ZNF365: variants seen among roughly 807,000 people sequenced by gnomAD.
The protein encoded by ZNF365 is protein ZNF365.
ZNF365 carries 22 observed loss-of-function variants against 35.0 expected under a neutral mutation model. The ratio of observed to expected loss-of-function variants is 0.63; its 90% CI spans 0.45 to 0.90. ZNF365 has a LOEUF of 0.90. Among genes scored for constraint, ZNF365 ranks in the 40% least tolerant of loss-of-function variants. The probability of loss-of-function intolerance (pLI) is 0.00; values close to 1 mark genes in which losing one functional copy is unlikely to be tolerated. For missense variants in ZNF365, 448 were observed against 500.3 expected (o/e 0.90, Z 1.00); for synonymous variants, 188 against 196.2 (o/e 0.96, Z 0.35).
chr10:62,449,477 C>T (rs1840643936), intron 3 of ZNF365, among the ~76,000 whole-genome samples: 1 of 152,060 alleles, frequency 6.6e-6, no homozygotes, highest in South Asian at 2.1e-4. Flanking sequence ...TTTTACAATA[C>T]AAATCTTACA....
intron 3 of ZNF365, among the ~76,000 whole-genome samples, chr10:62,393,783 C>A (rs569547698): frequency 1.3e-5 from 2 of 152,234 alleles, no homozygotes; most frequent in East Asian, 3.9e-4. Flanking sequence ...AAATAAAGTA[C>A]AGTTAGAATA....
intron 3 of ZNF365, among the ~76,000 whole-genome samples, chr10:62,438,982 C>A (rs902210115): frequency 2.0e-5 from 3 of 152,174 alleles, no homozygotes; most frequent in African/African-American, 4.8e-5. Context: ...GAAATACACA[C>A]ACAAACACAT....
chr10:62,474,622 C>T (rs1411370068), intron 4 of ZNF365, among the ~76,000 whole-genome samples: 1 of 152,150 alleles, frequency 6.6e-6, no homozygotes, highest in Non-Finnish European at 1.5e-5. Flanking sequence ...TGTTCATGGT[C>T]TCAACTACTG....
intron 2 of ZNF365, among the ~76,000 whole-genome samples, chr10:62,387,542 G>T (rs1425263884): frequency 6.6e-6 from 1 of 152,092 alleles, no homozygotes; most frequent in African/African-American, 2.4e-5. Flanking sequence ...AATTTTTCTG[G>T]ATTTGTAATC....
Position 62,400,869 on chromosome 10 carries a change from A to G in ZNF365, c.*1080A>G, listed in dbSNP as rs1435564998. The G allele has an allele frequency of 7.1e-6, 7 of 985,372 alleles. No homozygotes were observed. The highest frequency in any genetic ancestry group is 6.2e-5 in the Admixed American group (1 of 16,260). The allele number at this position is 985,372 out of a possible 1,614,324, so 61.0% of individuals were successfully genotyped here. A position where few individuals can be genotyped will look rare whatever the true frequency, so the allele number is the denominator to read the frequency against. ...ACCAAGTATCTGGAGTGTTCACTCTATGTTGCATTCTAAAGTAATTTCTGA... is the reference window on the plus strand; with the variant it reads ...ACCAAGTATCTGGAGTGTTCACTCTGTGTTGCATTCTAAAGTAATTTCTGA... On this transcript the variant is annotated 3_prime_UTR_variant, in exon 5 of 5. Transcript: ENST00000395254.
intron 3 of ZNF365, among the ~76,000 whole-genome samples, chr10:62,449,452 T>C (rs536748016): frequency 6.6e-6 from 1 of 152,328 alleles, no homozygotes; most frequent in South Asian, 2.1e-4. Context: ...TGGGGTTCTA[T>C]GTTTGTATTT....
chr10:62,377,563 T>C (rs1281551185), intron 2 of ZNF365, among the ~76,000 whole-genome samples: 1 of 127,984 alleles, frequency 7.8e-6, no homozygotes, highest in Non-Finnish European at 1.6e-5. Flanking sequence ...TTTTGGCAAA[T>C]GATGTATTTT....
chr10:62,444,521 A>T lies in ZNF365; in HGVS notation c.925-15220A>T, dbSNP rs1840552786. On this transcript the variant is annotated intron_variant, in intron 3 of 4. Coordinates refer to the ZNF365 transcript ENST00000395255. ...CTGGTAATGGCCCTAGGAGGCTGGT[A>T]ATAGCCTCCTATTGTTGCTAGTCTC... 2.0e-5 allele frequency among the ~76,000 whole-genome samples: 3 copies of T among 152,114 alleles called. No individual in the cohort carries two copies. The South Asian group carries it at 6.2e-4, about 31-fold the overall frequency.
At chr10:62,407,861 A>G (rs1368996184) in intron 3 of ZNF365, among the ~76,000 whole-genome samples, 1 of 152,256 alleles carries the variant, frequency 6.6e-6, no homozygotes, top group Non-Finnish European at 1.5e-5. Context: ...ACATAGCCTC[A>G]GAATCCTTCT....
intron 3 of ZNF365, among the ~76,000 whole-genome samples, chr10:62,452,005 T>C (rs1314124968): frequency 3.3e-5 from 5 of 152,226 alleles, no homozygotes; most frequent in African/African-American, 9.7e-5. Context: ...AGAGACAGGA[T>C]AAGAACCATT....
In ZNF365 at chr10:62,376,882, C is replaced by G. The variant is rs1182602852; in HGVS notation, c.689C>G (p.Ala230Gly). The change falls in exon 2 of 5, where the codon GCT becomes GGT. Residue 230 changes from alanine to glycine, a missense_variant. Physicochemically the swap from Ala to Gly is moderately conservative, Grantham distance 60. Coordinates refer to ENST00000395254, the MANE Select transcript of ZNF365 (RefSeq NM_014951.3). ...RQVDVAVEMI[A>G]VLRQRLTESE... ...GTGGACGTGGCCGTGGAAATGATAG[C>G]TGTACTGAGGCAACGCCTGACGGAA... is the stretch of plus-strand genomic sequence containing the variant. 2 of 1,614,024 alleles carry G rather than the reference C, an allele frequency of 1.2e-6. No homozygotes were observed. Among genetic ancestry groups the G allele is most frequent in the Non-Finnish European group, 1.7e-6 (2 of 1,180,042 alleles).
intron 3 of ZNF365, among the ~76,000 whole-genome samples, chr10:62,445,244 A>C (rs1840567278): frequency 6.6e-6 from 1 of 151,258 alleles, no homozygotes; most frequent in Non-Finnish European, 1.5e-5. Context: ...ATACATGTGC[A>C]TGTGTCTTTA....
chr10:62,477,169 G>A (rs1841145786), intron 4 of ZNF365, among the ~76,000 whole-genome samples: 1 of 152,186 alleles, frequency 6.6e-6, no homozygotes, highest in African/African-American at 2.4e-5. Flanking sequence ...AAAATTGCAA[G>A]TGGGTATATG....
At chr10:62,406,177 G>T (rs925398894), downstream of ZNF365, among the ~76,000 whole-genome samples, 4 of 152,112 alleles carry the variant, frequency 2.6e-5, no homozygotes, top group Non-Finnish European at 5.9e-5. Flanking sequence ...CTCCTTTCCA[G>T]CCACTGCCTT....
chr10:62,400,043 C>G lies in ZNF365; in HGVS notation c.*254C>G. 8.1e-7 allele frequency: 1 copy of G among 1,234,110 alleles called. No homozygotes were observed. Among genetic ancestry groups the G allele is most frequent in the Non-Finnish European group, 1.0e-6 (1 of 984,926 alleles). The allele number at this position is 1,234,110 out of a possible 1,614,324, so 76.4% of individuals were successfully genotyped here. A position where few individuals can be genotyped will look rare whatever the true frequency, so the allele number is the denominator to read the frequency against. On this transcript the variant is annotated 3_prime_UTR_variant, in exon 5 of 5. Transcript: ENST00000395254. ...AAAAAATTAAATCAATCTTAAAGCT[C>G]TAACTTCTAAAGTAACTGGCCCAGT...
chr10:62,399,577 C>T lies in ZNF365; in HGVS notation c.1012C>T (p.His338Tyr). ...SVCNHPDLKA[H>Y]FHPKGRNHLK... The stretch of plus-strand genomic sequence containing the variant: ...ATGTAACCACCCTGATCTCAAGGCC[C>T]ATTTCCACCCAAAGGGAAGGAACCA... Residue 338 changes from histidine (H) to tyrosine (Y), a missense_variant, in exon 5 of 5, where the codon CAT becomes TAT. His to Tyr is a moderately conservative substitution (Grantham distance 83). Transcript: ENST00000395254. 2 of 1,614,150 alleles carry T rather than the reference C, an allele frequency of 1.2e-6. No individual in the cohort carries two copies. The highest frequency in any genetic ancestry group is 1.7e-6 in the Non-Finnish European group (2 of 1,180,044).
At chr10:62,430,241 C>A (rs1347836927) in intron 3 of ZNF365, among the ~76,000 whole-genome samples, 1 of 139,196 alleles carries the variant, frequency 7.2e-6, no homozygotes, top group African/African-American at 2.7e-5. Flanking sequence ...CCTAAAATTG[C>A]TTTTGGAAAA....
intron 3 of ZNF365, among the ~76,000 whole-genome samples, chr10:62,416,054 T>C (rs747532233): frequency 1.7e-4 from 26 of 152,174 alleles, no homozygotes; most frequent in African/African-American, 7.2e-5. Flanking sequence ...TGGATGTTCC[T>C]ATCTTGCTTC....
intron 4 of ZNF365, among the ~76,000 whole-genome samples, chr10:62,462,409 A>G (rs753139637): frequency 3.3e-5 from 5 of 152,230 alleles, no homozygotes; most frequent in Admixed American, 6.5e-5. Flanking sequence ...GAACCGCTCC[A>G]TAAGTGTACC....
Sources: allele counts gnomAD v4.1 joint callset (sites outside exome capture counted in the v4.1 genomes callset), GRCh38; gene constraint gnomAD v4.1.1; transcripts MANE v1.5; gene names NCBI Gene and HGNC (gene_info 2026-07-23, HGNC 2026-07-21).